PLEKHG7: variants seen among roughly 807,000 people sequenced by gnomAD.
The protein encoded by PLEKHG7 is pleckstrin homology and RhoGEF domain containing G7, also known as pleckstrin homology domain-containing family G member 7.
PLEKHG7 carries 77 observed loss-of-function variants against 85.2 expected under a neutral mutation model. The ratio of observed to expected loss-of-function variants is 0.90; its 90% CI spans 0.75 to 1.09. The LOEUF (loss-of-function observed/expected upper bound fraction) is 1.09, where lower values mean the gene tolerates loss of function less well. Among genes scored for constraint, PLEKHG7 ranks in the 50% least tolerant of loss-of-function variants. The probability of loss-of-function intolerance (pLI) is 0.00; values close to 1 mark genes in which losing one functional copy is unlikely to be tolerated. For missense variants in PLEKHG7, 777 were observed against 804.3 expected (o/e 0.97, Z 0.41); for synonymous variants, 301 against 302.4 (o/e 1.00, Z 0.05).
At chr12:92,755,796 A>G (rs928555103) in intron 11 of PLEKHG7, 29 bp from the exon 12 acceptor site, 5 of 1,474,240 alleles carry the variant, frequency 3.4e-6, no homozygotes, top group Non-Finnish European at 4.7e-6. Flanking sequence ...ATGCACCTAA[A>G]AATATACTGA....
chr12:92,730,416 A>G (rs1871948633), intron 4 of PLEKHG7, among the ~76,000 whole-genome samples: 1 of 152,176 alleles, frequency 6.6e-6, no homozygotes, highest in South Asian at 2.1e-4. Context: ...TCACCTGAGA[A>G]GTTGTTAGAA....
chr12:92,763,608 G>A (rs1873099299), intron 14 of PLEKHG7, among the ~76,000 whole-genome samples: 1 of 151,800 alleles, frequency 6.6e-6, no homozygotes, highest in Admixed American at 6.6e-5. Flanking sequence ...TGAGCCCAGG[G>A]GTTCAATACC....
At chr12:92,732,688 A>T (rs1273756513) in intron 5 of PLEKHG7, among the ~76,000 whole-genome samples, 1 of 152,212 alleles carries the variant, frequency 6.6e-6, no homozygotes, top group Non-Finnish European at 1.5e-5. Flanking sequence ...TTCTGCAAAT[A>T]CACTTCTATT....
At chr12:92,707,499 A>G (rs1443170299) in intron 2 of PLEKHG7, 151 bp from the exon 3 acceptor site, 26 of 1,462,926 alleles carry the variant, frequency 1.8e-5, no homozygotes, top group Admixed American at 2.6e-5. Flanking sequence ...AAAGGGGAGA[A>G]AGAGCCAGTT....
rs144178867 is a variant in PLEKHG7, at chr12:92,734,622, C to T, written c.700-1860C>T. Among the ~76,000 whole-genome samples the T allele has an allele frequency of 1.5e-4, 23 of 152,298 alleles. No homozygotes were observed. In the East Asian group the frequency reaches 3.9e-3, roughly 26 times the overall value. ...TGAGTCTGTTCTACCCCTGATGTGGCCCTGTTCCTTCAACTGTAGGAGTCC... is the reference window on the plus strand; with the variant it reads ...TGAGTCTGTTCTACCCCTGATGTGGTCCTGTTCCTTCAACTGTAGGAGTCC... On this transcript the variant is annotated intron_variant, in intron 5 of 16. Transcript: ENST00000344636.
chr12:92,738,431 C>T (rs1872246264), intron 7 of PLEKHG7, among the ~76,000 whole-genome samples: 2 of 152,220 alleles, frequency 1.3e-5, no homozygotes, highest in Non-Finnish European at 1.5e-5. Context: ...CCTGGCTCTG[C>T]CTCTGTTTTG....
Position 92,741,570 on chromosome 12 carries a change from A to AT in PLEKHG7, c.1119dup (p.Ile374TyrfsTer31), listed in dbSNP as rs769642940. On this transcript the variant is annotated frameshift_variant, in exon 9 of 17. Coordinates refer to ENST00000344636, the MANE Select transcript of PLEKHG7 (RefSeq NM_001377329.1). LOFTEE classifies it high-confidence loss of function. Reference sequence around the variant, plus strand: ...GCTTCTGAGATTTCCTCATCACTGGATTTTATTTCCGTGCTCACAAAGGTA... The same window carrying AT: ...GCTTCTGAGATTTCCTCATCACTGGATTTTTATTTCCGTGCTCACAAAGGTA... 2.8e-5 allele frequency: 45 copies of AT among 1,612,874 alleles called. No homozygotes were observed. Among genetic ancestry groups the AT allele is most frequent in the South Asian group, 8.8e-5 (8 of 90,950 alleles).
chr12:92,730,175 G>A (rs1314855278), intron 4 of PLEKHG7, among the ~76,000 whole-genome samples: 1 of 152,102 alleles, frequency 6.6e-6, no homozygotes, highest in Non-Finnish European at 1.5e-5. Context: ...TATTTTTACA[G>A]AGCCTTTCAC....
intron 13 of PLEKHG7, among the ~76,000 whole-genome samples, chr12:92,756,613 A>G (rs887628128): frequency 2.0e-5 from 3 of 152,132 alleles, no homozygotes; most frequent in Non-Finnish European, 4.4e-5. Context: ...TAATGGGATA[A>G]CTCTAACTAT....
At chr12:92,713,330 G>A (rs1481491863) in intron 3 of PLEKHG7, among the ~76,000 whole-genome samples, 1 of 152,168 alleles carries the variant, frequency 6.6e-6, no homozygotes, top group African/African-American at 2.4e-5. Context: ...TGAAAATTAG[G>A]TAGGAATGTA....
chr12:92,728,997 T>G lies in PLEKHG7; in HGVS notation c.535T>G (p.Tyr179Asp), dbSNP rs377531534. Residue 179 changes from tyrosine to aspartate, a missense_variant, in exon 4 of 17, where the codon TAC becomes GAC. Around this residue, in one of 3 missense-constraint regions of PLEKHG7, gnomAD observed 252 missense variants for 241.9 expected, o/e 1.04. Transcript: ENST00000344636. ...CCTTTTATCTCTTGAGCACAGGTTC[T>G]ACGAGCACAGGCGGAGTTCTGTGGT... ...QGEELHPSRF[Y>D]EHRRSSVVLN... 3 of 1,231,774 alleles carry G rather than the reference T, an allele frequency of 2.4e-6. No individual in the cohort carries two copies. Among genetic ancestry groups the G allele is most frequent in the East Asian group, 3.2e-5 (1 of 31,688 alleles). The allele number at this position is 1,231,774 out of a possible 1,614,324, so 76.3% of individuals were successfully genotyped here. A position where few individuals can be genotyped will look rare whatever the true frequency, so the allele number is the denominator to read the frequency against.
intron 15 of PLEKHG7, among the ~76,000 whole-genome samples, chr12:92,766,491 G>T (rs1000731460): frequency 2.0e-5 from 3 of 151,972 alleles, no homozygotes; most frequent in Non-Finnish European, 4.4e-5. Context: ...TACCTTGAAA[G>T]ATGCATGTTT....
intron 13 of PLEKHG7, among the ~76,000 whole-genome samples, chr12:92,761,267 G>A (rs1354728302): frequency 6.6e-6 from 1 of 152,072 alleles, no homozygotes; most frequent in Non-Finnish European, 1.5e-5. Context: ...GAATCTAGAG[G>A]CAAAAATGCT....
intron 9 of PLEKHG7, among the ~76,000 whole-genome samples, chr12:92,742,676 C>T (rs775077357): frequency 1.3e-5 from 2 of 151,000 alleles, no homozygotes; most frequent in Non-Finnish European, 2.9e-5. Flanking sequence ...ACCTCCACCT[C>T]CCAGGTTCAA....
intron 8 of PLEKHG7, 45 bp downstream of exon 8, chr12:92,740,993 C>A: frequency 7.3e-7 from 1 of 1,369,836 alleles, no homozygotes; most frequent in South Asian, 1.2e-5. Context: ...CACTAGAGGA[C>A]CATGAAAATT....
chr12:92,744,692 G>C lies in PLEKHG7; in HGVS notation c.1138-786G>C, dbSNP rs1340820159. ...TTTTGTTTTTGGATATGGAGATGGAGTCTCCCTCTGTCACTCAGGCTGGAG... is the reference window on the plus strand; with the variant it reads ...TTTTGTTTTTGGATATGGAGATGGACTCTCCCTCTGTCACTCAGGCTGGAG... On this transcript the variant is annotated intron_variant, in intron 9 of 16. Coordinates refer to ENST00000344636, the MANE Select transcript of PLEKHG7 (RefSeq NM_001377329.1). 2.0e-5 allele frequency among the ~76,000 whole-genome samples: 3 copies of C among 149,652 alleles called. No homozygotes were observed. In the South Asian group the frequency reaches 6.4e-4, roughly 32 times the overall value.
At chr12:92,739,279 T>G (rs1872275667) in intron 7 of PLEKHG7, among the ~76,000 whole-genome samples, 1 of 152,172 alleles carries the variant, frequency 6.6e-6, no homozygotes, top group South Asian at 2.1e-4. Context: ...CCTCTAGCTC[T>G]GTAAAGAAGG....
chr12:92,753,409 T>A (rs1031260865), intron 10 of PLEKHG7, among the ~76,000 whole-genome samples: 1 of 152,194 alleles, frequency 6.6e-6, no homozygotes, highest in Admixed American at 6.5e-5. Context: ...AAACATCATT[T>A]ATGGAACCCC....
At chr12:92,733,265 C>T (rs1033343084) in intron 5 of PLEKHG7, among the ~76,000 whole-genome samples, 3 of 152,270 alleles carry the variant, frequency 2.0e-5, no homozygotes, top group Admixed American at 1.3e-4. Flanking sequence ...GTGATTGTAA[C>T]GAATGCCGTA....
Sources: allele counts gnomAD v4.1 joint callset (sites outside exome capture counted in the v4.1 genomes callset), GRCh38; gene constraint gnomAD v4.1.1; regional missense constraint gnomAD v4.1.1; transcripts MANE v1.5; gene names NCBI Gene and HGNC (gene_info 2026-07-23, HGNC 2026-07-21).